Variants in PRDM16 observed in about 807,000 individuals in gnomAD.
The protein encoded by PRDM16 is histone-lysine N-methyltransferase PRDM16.
Under a neutral mutation model 110.6 loss-of-function variants are expected in PRDM16, and 23 were observed. The observed-to-expected ratio is 0.21, with a 90% CI of 0.15 to 0.29. The LOEUF (loss-of-function observed/expected upper bound fraction) is 0.29. PRDM16 is among the 10% of genes least tolerant of loss of function. PRDM16 has a pLI of 1.00. For synonymous variants in PRDM16, 799 were observed against 781.8 expected (o/e 1.02, Z -0.37); for missense variants, 1,615 against 1,794.3 (o/e 0.90, Z 1.81).
chr1:3,162,634 G>A (rs943766559), intron 1 of PRDM16, among the ~76,000 whole-genome samples: 2 of 152,228 alleles, frequency 1.3e-5, no homozygotes, highest in African/African-American at 4.8e-5. Flanking sequence ...ATTGACAGCG[G>A]CGAGCCCGTG....
Position 3,181,046 on chromosome 1 carries a change from G to C in PRDM16, c.38-5079G>C, listed in dbSNP as rs938860962. On this transcript the variant is annotated intron_variant, in intron 1 of 16. Transcript: ENST00000270722. ...CGGTCTTACACGCGGTCTTACACAC[G>C]CAGTCTTACACGCGGTCTTACACAC... 4.0e-4 allele frequency among the ~76,000 whole-genome samples: 57 copies of C among 142,870 alleles called. 1 individual carries two copies. Among genetic ancestry groups the C allele is most frequent in the South Asian group, 1.8e-3 (8 of 4,474 alleles). The allele number at this position is 142,870 out of a possible 152,430, so 93.7% of individuals were successfully genotyped here.
chr1:3,293,443 C>T (rs530414337), intron 3 of PRDM16, among the ~76,000 whole-genome samples: 7 of 152,286 alleles, frequency 4.6e-5, no homozygotes, highest in South Asian at 2.1e-4. Context: ...ATGATTCATC[C>T]GTCTGTGAAC....
intron 1 of PRDM16, among the ~76,000 whole-genome samples, chr1:3,125,522 G>T (rs527704809): frequency 2.6e-5 from 4 of 152,264 alleles, no homozygotes; most frequent in African/African-American, 9.6e-5. Flanking sequence ...CGGGACACAC[G>T]CTCTGAAGCA....
chr1:3,156,509 G>T (rs777234356), intron 1 of PRDM16, among the ~76,000 whole-genome samples: 11 of 152,186 alleles, frequency 7.2e-5, no homozygotes, highest in Non-Finnish European at 1.5e-4. Context: ...GGACAAAATG[G>T]TTTTCTAGTT....
At chr1:3,221,584 G>A (rs1639151544) in intron 2 of PRDM16, among the ~76,000 whole-genome samples, 1 of 152,204 alleles carries the variant, frequency 6.6e-6, no homozygotes, top group South Asian at 2.1e-4. Flanking sequence ...TGAACGTCAT[G>A]CACTGCGCTT....
At chr1:3,272,068 A>G (rs1283905416) in intron 3 of PRDM16, among the ~76,000 whole-genome samples, 3 of 152,320 alleles carry the variant, frequency 2.0e-5, no homozygotes, top group East Asian at 1.9e-4. Context: ...TCAGGAGGAC[A>G]AGAACTTCCG....
intron 1 of PRDM16, among the ~76,000 whole-genome samples, chr1:3,111,273 G>A (rs1489798472): frequency 6.6e-6 from 1 of 152,150 alleles, no homozygotes; most frequent in Non-Finnish European, 1.5e-5. Context: ...CCTCGGCCAC[G>A]GCCTTAGTGG....
chr1:3,284,301 C>CT (rs1640799836), intron 3 of PRDM16, among the ~76,000 whole-genome samples: 1 of 152,232 alleles, frequency 6.6e-6, no homozygotes, highest in Non-Finnish European at 1.5e-5. Flanking sequence ...CCCTGTCTGG[C>CT]TTTTTATGTA....
Position 3,417,810 on chromosome 1 carries a change from C to T in PRDM16, c.2692-18C>T. 1 of 1,612,550 alleles carries T rather than the reference C, an allele frequency of 6.2e-7. No homozygotes were observed. Among genetic ancestry groups the T allele is most frequent in the Non-Finnish European group, 8.5e-7 (1 of 1,178,934 alleles). ...GAGAGTCAGCTGAGTCCATAACCTC[C>T]CACTCTTATGCCTACAGATGTCAGC... is the stretch of plus-strand genomic sequence containing the variant. On this transcript the variant is annotated intron_variant, in intron 10 of 16. Transcript: ENST00000270722.
In PRDM16 at chr1:3,075,851, G is replaced by A. The variant is rs148774757; in HGVS notation, c.37+6555G>A. On this transcript the variant is annotated intron_variant, in intron 1 of 16. Coordinates refer to ENST00000270722, the MANE Select transcript of PRDM16 (RefSeq NM_022114.4). ...ACTCGTCAGGCGGAGCAGTGGGTGC[G>A]GCGACAGGCTCATCTGCGATCCACC... is the stretch of plus-strand genomic sequence containing the variant. Among the ~76,000 whole-genome samples the A allele has an allele frequency of 3.8e-3, 582 of 152,314 alleles. 1 individual carries two copies. The highest frequency in any genetic ancestry group is 0.013 in the African/African-American group (532 of 41,570).
chr1:3,331,613 C>T (rs562895442), intron 3 of PRDM16, among the ~76,000 whole-genome samples: 43 of 152,200 alleles, frequency 2.8e-4, no homozygotes, highest in Admixed American at 2.0e-4. Flanking sequence ...GAAACACATT[C>T]GTCCAAATCC....
At chr1:3,221,467 G>A (rs1195359863) in intron 2 of PRDM16, among the ~76,000 whole-genome samples, 3 of 152,222 alleles carry the variant, frequency 2.0e-5, no homozygotes, top group African/African-American at 4.8e-5. Context: ...CCTCACTGGG[G>A]AGACTCTTTG....
rs554570856 is a variant in PRDM16 at position 3,303,254 on chromosome 1, C to G, written c.438+59117C>G. 5.3e-5 allele frequency among the ~76,000 whole-genome samples: 8 copies of G among 151,956 alleles called. No individual in the cohort carries two copies. In the East Asian group the frequency reaches 1.4e-3, roughly 26 times the overall value. On this transcript the variant is annotated intron_variant, in intron 3 of 16. Coordinates refer to ENST00000270722, the MANE Select transcript of PRDM16 (RefSeq NM_022114.4). ...TCCTCTCCCCCCAGCCCCTGGTAAT[C>G]ATGAATGTCCTCTCTGTCTCTGTGG... is the stretch of plus-strand genomic sequence containing the variant.
intron 2 of PRDM16, among the ~76,000 whole-genome samples, chr1:3,202,376 G>A (rs1487365349): frequency 2.0e-5 from 3 of 148,720 alleles, no homozygotes; most frequent in Non-Finnish European, 4.4e-5. Context: ...CCTAGGGGAG[G>A]CTGGGGGAGG....
At chr1:3,079,159 C>T (rs527379550) in intron 1 of PRDM16, among the ~76,000 whole-genome samples, 43 of 152,366 alleles carry the variant, frequency 2.8e-4, no homozygotes, top group African/African-American at 1.0e-3. Context: ...CCGGAATCTC[C>T]GCCGCTGCCC....
At chr1:3,320,984 A>C (rs761555768) in intron 3 of PRDM16, among the ~76,000 whole-genome samples, 3 of 152,218 alleles carry the variant, frequency 2.0e-5, no homozygotes, top group Non-Finnish European at 4.4e-5. Context: ...AGGGAGACGA[A>C]ACGCGTGCCC....
chr1:3,135,057 A>G (rs909509), intron 1 of PRDM16, among the ~76,000 whole-genome samples: 60,002 of 151,912 alleles, frequency 0.39, 12,569 homozygotes, highest in East Asian at 0.7. Flanking sequence ...GGAAGGTGCC[A>G]CCCCCGGGTC....
chr1:3,200,306 A>G (rs989577794), intron 2 of PRDM16, among the ~76,000 whole-genome samples: 1 of 152,078 alleles, frequency 6.6e-6, no homozygotes, highest in South Asian at 2.1e-4. Flanking sequence ...CGAGGCCCTT[A>G]GCCGGGGCCC....
rs1336603096 is a variant in PRDM16, at chr1:3,353,067, A to G, written c.439-32085A>G. 6.6e-6 allele frequency among the ~76,000 whole-genome samples: 1 copy of G among 152,204 alleles called. No homozygotes were observed. Among genetic ancestry groups the G allele is most frequent in the East Asian group, 1.9e-4 (1 of 5,194 alleles). ...GGACCAGGCCTGGGGCTCTGGAGCC[A>G]GAAGTCAGGAAAGGGAGGCTGCAGC... is the stretch of plus-strand genomic sequence containing the variant. On this transcript the variant is annotated intron_variant, in intron 3 of 16. Coordinates refer to ENST00000270722, the MANE Select transcript of PRDM16 (RefSeq NM_022114.4). This position sits in a 1 kb window ranked among gnomAD's most constrained non-coding sequence, Gnocchi z 5.4.
Sources: gnomAD v4.1 joint callset for allele counts (sites outside exome capture counted in the v4.1 genomes callset) on GRCh38, gnomAD v4.1.1 for gene constraint, Gnocchi (gnomAD v3.1) non-coding constraint, MANE v1.5 for transcripts, NCBI Gene and HGNC (gene_info 2026-07-23, HGNC 2026-07-21) for gene names.